EVA1A: variants seen among roughly 807,000 people sequenced by gnomAD.
EVA1A encodes protein eva-1 homolog A.
Under a neutral mutation model 9.8 loss-of-function variants are expected in EVA1A, and 7 were observed. The ratio of observed to expected loss-of-function variants is 0.71; its 90% CI spans 0.41 to 1.34. The LOEUF is 1.34. EVA1A is among the 40% of genes most tolerant of loss of function. The probability of loss-of-function intolerance (pLI) is 0.01; values close to 1 mark genes in which losing one functional copy is unlikely to be tolerated. For missense variants in EVA1A, 206 were observed against 205.9 expected (o/e 1.00, Z 0.00); for synonymous variants, 90 against 85.6 (o/e 1.05, Z -0.28).
rs955698875 is a variant in EVA1A, at chr2:75,492,533, T to C, written c.*703A>G. 6.6e-6 allele frequency: 1 copy of C among 152,568 alleles called. No homozygotes were observed. The highest frequency in any genetic ancestry group is 2.4e-5 in the African/African-American group (1 of 41,438). The allele number at this position is 152,568 out of a possible 1,614,324, so 9.5% of individuals were successfully genotyped here. A position where few individuals can be genotyped will look rare whatever the true frequency, so the allele number is the denominator to read the frequency against. On this transcript the variant is annotated 3_prime_UTR_variant, in exon 4 of 4. Transcript: ENST00000393913. ...TATTTTTATGCAGCATTTTCAAATATGCATGTCAATATATATTTTATAAAC... is the reference window on the plus strand; with the variant it reads ...TATTTTTATGCAGCATTTTCAAATACGCATGTCAATATATATTTTATAAAC...
At chr2:75,568,255 GT>G (rs1311936190) in intron 1 of EVA1A, among the ~76,000 whole-genome samples, 2 of 151,256 alleles carry the variant, frequency 1.3e-5, no homozygotes, top group African/African-American at 4.9e-5. Context: ...GCTCCCCCAT[GT>G]TTATGTTAAT....
chr2:75,552,467 A>G (rs1676559885), intron 1 of EVA1A, among the ~76,000 whole-genome samples: 1 of 152,104 alleles, frequency 6.6e-6, no homozygotes, highest in Non-Finnish European at 1.5e-5. Context: ...CCCCTGTTCA[A>G]TCAGTCACCA....
intron 1 of EVA1A, among the ~76,000 whole-genome samples, chr2:75,567,670 A>C (rs1677051978): frequency 6.6e-6 from 1 of 152,190 alleles, no homozygotes; most frequent in African/African-American, 2.4e-5. Flanking sequence ...CATGGTTGCA[A>C]ATTCTAGAAC....
At chr2:75,513,765 T>C (rs1033770510) in intron 3 of EVA1A, among the ~76,000 whole-genome samples, 4 of 152,212 alleles carry the variant, frequency 2.6e-5, no homozygotes, top group East Asian at 1.9e-4. Flanking sequence ...TATATTACAC[T>C]GAGTAAAATA....
intron 3 of EVA1A, among the ~76,000 whole-genome samples, chr2:75,513,434 A>G (rs1674888506): frequency 6.6e-6 from 1 of 152,154 alleles, no homozygotes; most frequent in Admixed American, 6.5e-5. Context: ...TCCTTGCCCG[A>G]TAACTACTAT....
rs116672982 is a variant in EVA1A at position 75,555,879 on chromosome 2, G to A, written c.-192+4801C>T. Among the ~76,000 whole-genome samples the A allele has an allele frequency of 4.7e-3, 714 of 152,084 alleles. 2 individuals are homozygous for A. Among genetic ancestry groups the A allele is most frequent in the South Asian group, 0.024 (116 of 4,806 alleles). On this transcript the variant is annotated intron_variant, in intron 1 of 3. Coordinates refer to ENST00000393913, the MANE Select transcript of EVA1A (RefSeq NM_001135032.2). ...TTTAATCACCAGTCCCTTCAAACCC[G>A]CCAAGCTCCCGCTTACACGTTAAGG...
chr2:75,525,335 T>C (rs758831344), intron 1 of EVA1A, among the ~76,000 whole-genome samples: 1 of 152,216 alleles, frequency 6.6e-6, no homozygotes, highest in Non-Finnish European at 1.5e-5. Flanking sequence ...TCACCCATTC[T>C]ACTTCCCTTC....
At chr2:75,528,631 A>C (rs1675537910) in intron 1 of EVA1A, among the ~76,000 whole-genome samples, 1 of 152,104 alleles carries the variant, frequency 6.6e-6, no homozygotes, top group Non-Finnish European at 1.5e-5. Context: ...ACCCAAGAAG[A>C]GTCTGAGCTC....
intron 1 of EVA1A, among the ~76,000 whole-genome samples, chr2:75,544,111 T>G (rs1427555698): frequency 1.3e-5 from 2 of 152,162 alleles, no homozygotes; most frequent in Non-Finnish European, 2.9e-5. Flanking sequence ...GCCAAAACCA[T>G]GAATATGTTT....
rs191012467 is a variant in EVA1A, at chr2:75,525,317, G to T, written c.-191-2830C>A. Among the ~76,000 whole-genome samples the T allele has an allele frequency of 2.6e-4, 40 of 152,130 alleles. No homozygotes were observed. The East Asian group carries it at 3.1e-3, about 12-fold the overall frequency. ...TTCCCTTTGCTCAACCTCCACTGTG[G>T]TTTCTTATCACCCATTCTACTTCCC... On this transcript the variant is annotated intron_variant, in intron 1 of 3. Coordinates refer to ENST00000393913, the MANE Select transcript of EVA1A (RefSeq NM_001135032.2).
rs375720924 is a variant in EVA1A, at chr2:75,496,692, C to T, written c.86-3083G>A. On this transcript the variant is annotated intron_variant, in intron 3 of 3. Coordinates refer to ENST00000393913, the MANE Select transcript of EVA1A (RefSeq NM_001135032.2). Reference sequence around the variant, plus strand: ...ATTAGAAAAAAAAATGATTCTAAAACTCATATGGAACCAAAAGAGCGTTCA... The same window carrying T: ...ATTAGAAAAAAAAATGATTCTAAAATTCATATGGAACCAAAAGAGCGTTCA... Among the ~76,000 whole-genome samples, 280 of 152,112 alleles carry T rather than the reference C, an allele frequency of 1.8e-3. 6 individuals are homozygous for T. The highest frequency in any genetic ancestry group is 6.5e-3 in the African/African-American group (271 of 41,498).
At chr2:75,520,239 C>A (rs1396362728) in intron 2 of EVA1A, among the ~76,000 whole-genome samples, 2 of 152,118 alleles carry the variant, frequency 1.3e-5, no homozygotes, top group Non-Finnish European at 2.9e-5. Context: ...TAAATGCCCC[C>A]CTTCTCTTCA....
intron 3 of EVA1A, among the ~76,000 whole-genome samples, chr2:75,499,202 G>A (rs1674323576): frequency 6.6e-6 from 1 of 152,158 alleles, no homozygotes; most frequent in Non-Finnish European, 1.5e-5. Flanking sequence ...CCTTTCTTTT[G>A]TAAAGTGGGA....
At chr2:75,566,835 AT>A (rs1266947549) in intron 1 of EVA1A, among the ~76,000 whole-genome samples, 1 of 149,436 alleles carries the variant, frequency 6.7e-6, no homozygotes, top group Non-Finnish European at 1.5e-5. Context: ...TTAGTATAAA[AT>A]TTGCTTCTTT....
intron 3 of EVA1A, among the ~76,000 whole-genome samples, chr2:75,512,107 A>C (rs1464344178): frequency 6.6e-6 from 1 of 152,164 alleles, no homozygotes; most frequent in Non-Finnish European, 1.5e-5. Flanking sequence ...AAAAACTTAA[A>C]GGAAATAGAA....
upstream of EVA1A, among the ~76,000 whole-genome samples, chr2:75,561,648 G>A (rs2104000533): frequency 6.6e-6 from 1 of 152,176 alleles, no homozygotes; most frequent in South Asian, 2.1e-4. Flanking sequence ...CCCGGGTTGC[G>A]GTGGTCTCTT....
intron 1 of EVA1A, among the ~76,000 whole-genome samples, chr2:75,530,711 G>A (rs183191725): frequency 2.6e-5 from 4 of 152,186 alleles, no homozygotes; most frequent in Admixed American, 1.3e-4. Context: ...ATCTCTTTAC[G>A]ATTAAAACCC....
chr2:75,550,743 G>A (rs775605817), intron 1 of EVA1A, among the ~76,000 whole-genome samples: 8 of 152,208 alleles, frequency 5.3e-5, no homozygotes, highest in Non-Finnish European at 1.0e-4. Context: ...AATATGAAGA[G>A]AAATATTAGA....
intron 1 of EVA1A, among the ~76,000 whole-genome samples, chr2:75,546,723 A>G (rs1279768022): frequency 6.6e-6 from 1 of 152,138 alleles, no homozygotes; most frequent in African/African-American, 2.4e-5. Context: ...CCTAACTTCC[A>G]ACACCTCAAA....
Sources: gnomAD v4.1 joint callset for allele counts (sites outside exome capture counted in the v4.1 genomes callset) on GRCh38, gnomAD v4.1.1 for gene constraint, MANE v1.5 for transcripts, NCBI Gene and HGNC (gene_info 2026-07-23, HGNC 2026-07-21) for gene names.